PCDHGB2: variants seen among roughly 807,000 people sequenced by gnomAD.
PCDHGB2 encodes protocadherin gamma-B2.
A neutral mutation model predicts 59.3 loss-of-function variants in PCDHGB2; 55 were observed. The observed-to-expected ratio is 0.93, with a 90% CI of 0.75 to 1.16. The LOEUF (loss-of-function observed/expected upper bound fraction) is 1.16. Among genes scored for constraint, PCDHGB2 ranks in the 50% most tolerant of loss-of-function variants. The pLI, the probability that PCDHGB2 is intolerant of heterozygous loss-of-function variation, is 0.00. For missense variants in PCDHGB2, 1,228 were observed against 1,198.5 expected, an observed-to-expected ratio of 1.02 and a Z score of -0.36; for synonymous variants, 516 against 512.0, an observed-to-expected ratio of 1.01 and a Z score of -0.11.
intron 1 of PCDHGB2, chr5:141,427,356 G>A (rs1295421809): frequency 8.7e-6 from 4 of 457,618 alleles, no homozygotes; most frequent in Non-Finnish European, 1.8e-5. Context: ...AACTGAGGAC[G>A]CAGAACCCTG....
intron 3 of PCDHGB2, among the ~76,000 whole-genome samples, chr5:141,510,375 G>A (rs980966602): frequency 3.4e-5 from 5 of 148,132 alleles, no homozygotes; most frequent in East Asian, 2.0e-4. Context: ...ATCTCTACTC[G>A]TGCCAGGCCT....
intron 1 of PCDHGB2, chr5:141,370,646 A>G: frequency 1.2e-6 from 2 of 1,613,916 alleles, no homozygotes; most frequent in Non-Finnish European, 1.7e-6. Context: ...ATGGGAACTT[A>G]CTTGTGAGCG....
In PCDHGB2 at chr5:141,372,908, T is replaced by A. The variant is rs1769157545; in HGVS notation, c.2421+10352T>A. The A allele has an allele frequency of 7.4e-6, 8 of 1,075,948 alleles. No individual in the cohort carries two copies. In the East Asian group the frequency reaches 2.1e-4, roughly 28 times the overall value. The allele number at this position is 1,075,948 out of a possible 1,614,324, so 66.7% of individuals were successfully genotyped here. ...ACAGATTAAATATTCCCTGATTACA[T>A]TATTTTATTGATTTTCTGGTGTAGA... On this transcript the variant is annotated intron_variant, in intron 1 of 3. Transcript: ENST00000522605.
chr5:141,422,061 A>G (rs1215523341), intron 1 of PCDHGB2: 3 of 1,612,074 alleles, frequency 1.9e-6, no homozygotes, highest in Non-Finnish European at 2.5e-6. Flanking sequence ...ACGGGGAAGT[A>G]ATGTATTCAT....
At chr5:141,462,314 A>C (rs1283684392) in intron 1 of PCDHGB2, among the ~76,000 whole-genome samples, 1 of 152,186 alleles carries the variant, frequency 6.6e-6, no homozygotes, top group Non-Finnish European at 1.5e-5. Flanking sequence ...TATATTTGTC[A>C]CTGATTTCTA....
At chr5:141,427,845 G>C in intron 1 of PCDHGB2, 1 of 1,550,582 alleles carries the variant, frequency 6.4e-7, no homozygotes, top group Non-Finnish European at 8.8e-7. Context: ...CTTCGACCAC[G>C]AGCAGCTGTG....
intron 1 of PCDHGB2, chr5:141,414,449 C>T (rs1223779483): frequency 6.2e-7 from 1 of 1,613,730 alleles, no homozygotes; most frequent in Non-Finnish European, 8.5e-7. Context: ...TACAATATCA[C>T]AGTGACAGCC....
chr5:141,476,798 C>T lies in PCDHGB2; in HGVS notation c.2422-18009C>T. 3.1e-6 allele frequency: 5 copies of T among 1,613,660 alleles called. No homozygotes were observed. The highest frequency in any genetic ancestry group is 4.2e-6 in the Non-Finnish European group (5 of 1,180,028). ...AGGGACCCCAGCTCTCTCCGCCAGC[C>T]TGCCTATTCACATCAAGGTGCTGGA... On this transcript the variant is annotated intron_variant, in intron 1 of 3. Coordinates refer to ENST00000522605, the MANE Select transcript of PCDHGB2 (RefSeq NM_018923.3). This position sits in a 1 kb window ranked among gnomAD's most constrained non-coding sequence, Gnocchi z 7.6.
rs371619613 is a variant in PCDHGB2 at position 141,444,258 on chromosome 5, G to A, written c.2422-50549G>A. The stretch of plus-strand genomic sequence containing the variant: ...ATGCTCTCGGCTCACTGCAACCTCC[G>A]CCTCCCAGGTTCAAGTGATTCTCCT... On this transcript the variant is annotated intron_variant, in intron 1 of 3. Coordinates refer to ENST00000522605, the MANE Select transcript of PCDHGB2 (RefSeq NM_018923.3). 1.3e-4 allele frequency among the ~76,000 whole-genome samples: 16 copies of A among 127,752 alleles called. No homozygotes were observed. The South Asian group carries it at 2.7e-3, about 21-fold the overall frequency. The allele number at this position is 127,752 out of a possible 152,430, so 83.8% of individuals were successfully genotyped here.
chr5:141,441,891 G>A, intron 1 of PCDHGB2: 1 of 348,040 alleles, frequency 2.9e-6, no homozygotes, highest in East Asian at 9.1e-5. Flanking sequence ...TCACCAAGGT[G>A]GTGGCTGTAG....
In PCDHGB2 at chr5:141,481,621, C is replaced by T. The variant is rs533294863; in HGVS notation, c.2422-13186C>T. Among the ~76,000 whole-genome samples the T allele has an allele frequency of 3.9e-5, 6 of 152,198 alleles. 1 individual carries two copies. Among genetic ancestry groups the T allele is most frequent in the East Asian group, 3.9e-4 (2 of 5,172 alleles). Reference sequence around the variant, plus strand: ...TCACCTGAGGCCAGGAGTTCAAGACCGGCCTGGCCAACATGGTGAAACTTC... The same window carrying T: ...TCACCTGAGGCCAGGAGTTCAAGACTGGCCTGGCCAACATGGTGAAACTTC... On this transcript the variant is annotated intron_variant, in intron 1 of 3. Transcript: ENST00000522605.
chr5:141,400,209 G>T (rs371270054), intron 1 of PCDHGB2: 8 of 1,613,934 alleles, frequency 5.0e-6, no homozygotes, highest in African/African-American at 2.7e-5. Flanking sequence ...CCTTGGCCTT[G>T]ATCTCAGTGC....
At chr5:141,383,580 C>A (rs935361844) in intron 1 of PCDHGB2, 1 of 1,613,642 alleles carries the variant, frequency 6.2e-7, no homozygotes, top group South Asian at 1.1e-5. Context: ...GCACCGCCCA[C>A]ATCCAGGTGA....
At chr5:141,445,342 T>C (rs1026595756) in intron 1 of PCDHGB2, among the ~76,000 whole-genome samples, 4 of 152,202 alleles carry the variant, frequency 2.6e-5, no homozygotes, top group African/African-American at 9.6e-5. Flanking sequence ...ACAGTAAACA[T>C]TGGTGTCTGC....
At chr5:141,437,312 G>T (rs2097875410) in intron 1 of PCDHGB2, among the ~76,000 whole-genome samples, 1 of 152,176 alleles carries the variant, frequency 6.6e-6, no homozygotes, top group South Asian at 2.1e-4. Context: ...AAAGCGTTCA[G>T]CTATAATTTA....
At chr5:141,428,290 C>G in intron 1 of PCDHGB2, 2 of 726,802 alleles carry the variant, frequency 2.8e-6, no homozygotes, top group Non-Finnish European at 4.8e-6. Context: ...CCAAGCAAAG[C>G]TGCAGATTTA....
chr5:141,437,434 G>A (rs183505868), intron 1 of PCDHGB2, among the ~76,000 whole-genome samples: 409 of 152,312 alleles, frequency 2.7e-3, no homozygotes, highest in Middle Eastern at 6.8e-3. Flanking sequence ...AGCAGCAATA[G>A]CATAGGAATG....
intron 1 of PCDHGB2, among the ~76,000 whole-genome samples, chr5:141,426,006 G>C (rs1013613474): frequency 2.0e-5 from 3 of 152,104 alleles, no homozygotes; most frequent in African/African-American, 7.2e-5. Flanking sequence ...AAGGCTTCCG[G>C]CTGCAGTTTT....
At chr5:141,497,479 G>A (rs1028715475) in intron 2 of PCDHGB2, among the ~76,000 whole-genome samples, 5 of 151,886 alleles carry the variant, frequency 3.3e-5, no homozygotes, top group Non-Finnish European at 7.4e-5. Flanking sequence ...GAGAAGGTGC[G>A]GAACCTCTCT....
Sources: allele counts gnomAD v4.1 joint callset (sites outside exome capture counted in the v4.1 genomes callset), GRCh38; gene constraint gnomAD v4.1.1; non-coding constraint Gnocchi (gnomAD v3.1); transcripts MANE v1.5; gene names NCBI Gene and HGNC (gene_info 2026-07-23, HGNC 2026-07-21).